Variants in COL4A1 observed in about 807,000 individuals in gnomAD.
COL4A1 encodes the protein collagen type IV alpha 1 chain, also known as collagen alpha-1(IV) chain.
A neutral mutation model predicts 216.6 loss-of-function variants in COL4A1; 40 were observed. That is an observed-to-expected ratio of 0.18 (90% CI 0.14 to 0.24). The LOEUF (loss-of-function observed/expected upper bound fraction) is 0.24, where lower values mean the gene tolerates loss of function less well. Among genes scored for constraint, COL4A1 ranks in the 10% least tolerant of loss-of-function variants. The pLI is 1.00. For missense variants in COL4A1, 1,628 were observed against 2,196.8 expected (o/e 0.74, Z 5.18); for synonymous variants, 839 against 810.7 (o/e 1.03, Z -0.59).
In COL4A1 at chr13:110,175,208, C is replaced by T. The variant is rs202002553; in HGVS notation, c.3198+10G>A. 340 of 1,614,188 alleles carry T rather than the reference C, an allele frequency of 2.1e-4. 4 individuals are homozygous for T. In the East Asian group the frequency reaches 2.4e-3, roughly 11 times the overall value. On this transcript the variant is annotated intron_variant, in intron 37 of 51. Transcript: ENST00000375820. The stretch of plus-strand genomic sequence containing the variant: ...GAGAAGGGGACCTTTCCACGCAGAG[C>T]GCTGGTTACCTTTTCACCTCGCAGC...
chr13:110,192,344 CCTTTT>C, intron 23 of COL4A1, 60 bp from the exon 24 acceptor site: 2 of 1,512,898 alleles, frequency 1.3e-6, no homozygotes, highest in Non-Finnish European at 1.8e-6. Context: ...CTTCTCAAAA[CCTTTT>C]CTTAAGACTC....
intron 2 of COL4A1, among the ~76,000 whole-genome samples, chr13:110,239,164 A>G (rs962441334): frequency 2.0e-5 from 3 of 152,208 alleles, no homozygotes; most frequent in Non-Finnish European, 4.4e-5. Flanking sequence ...GCTATCTAGT[A>G]TTTATTGATT....
chr13:110,205,297 C>T, intron 17 of COL4A1, 56 bp downstream of exon 17: 1 of 1,601,552 alleles, frequency 6.2e-7, no homozygotes, highest in Non-Finnish European at 8.6e-7. Flanking sequence ...AATAAACAGA[C>T]TTCTGGGTTG....
In COL4A1 at chr13:110,207,436, T is replaced by C; in HGVS notation, c.747A>G (p.Gln249=). The change falls in exon 13 of 52, where the codon CAA becomes CAG. Residue 249 remains glutamine, a synonymous_variant. Coordinates refer to ENST00000375820, the MANE Select transcript of COL4A1 (RefSeq NM_001845.6). This position sits in a 1 kb window ranked among gnomAD's most constrained non-coding sequence, Gnocchi z 4.4. ...CCTTGGTGGCGAAGTCTCCTTTTTC[T>C]TGAACTTGAGCTTGTCCTGGTACTC... ...PPGVPGQAQV[Q]EKGDFATKGE... 1 of 1,614,188 alleles carries C rather than the reference T, an allele frequency of 6.2e-7. No homozygotes were observed. The highest frequency in any genetic ancestry group is 8.5e-7 in the Non-Finnish European group (1 of 1,180,028).
At chr13:110,201,331 G>GAGGAGGAGGAAC in intron 19 of COL4A1, 107 bp downstream of exon 19, 1 of 610,038 alleles carries the variant, frequency 1.6e-6, no homozygotes, top group Non-Finnish European at 2.8e-6. Flanking sequence ...GAGGAGGAAG[G>GAGGAGGAGGAAC]AGGAGGAGGA....
At position 110,306,987 on chromosome 13, in the gene COL4A1, G is replaced by T. The variant is rs1230150331; in HGVS notation, c.41C>A (p.Ala14Asp). The T allele has an allele frequency of 6.8e-7, 1 of 1,477,556 alleles. No individual in the cohort carries two copies. Among genetic ancestry groups the T allele is most frequent in the Admixed American group, 2.3e-5 (1 of 43,874 alleles). The allele number at this position is 1,477,556 out of a possible 1,614,324, so 91.5% of individuals were successfully genotyped here. A position where few individuals can be genotyped will look rare whatever the true frequency, so the allele number is the denominator to read the frequency against. The change falls in exon 1 of 52, where the codon GCC becomes GAC. Residue 14 changes from alanine (A) to aspartate (D), a missense_variant. By Grantham distance (126) the Ala-to-Asp change is moderately radical. Around this residue, in one of 8 missense-constraint regions of COL4A1, gnomAD observed 74 missense variants for 61.7 expected, o/e 1.20. Transcript: ENST00000375820. The part of the protein sequence containing the change: ...RLSVWLLLLP[A>D]ALLLHEEHSR... Reference sequence around the variant, plus strand: ...GTGCTCCTCGTGGAGCAGAAGGGCGGCGGGCAGCAGCAGCAGCCAGACGCT... The same window carrying T: ...GTGCTCCTCGTGGAGCAGAAGGGCGTCGGGCAGCAGCAGCAGCCAGACGCT...
intron 1 of COL4A1, among the ~76,000 whole-genome samples, chr13:110,293,851 C>T (rs1374109138): frequency 1.3e-5 from 2 of 152,172 alleles, no homozygotes; most frequent in Non-Finnish European, 2.9e-5. Context: ...CAGGACAATT[C>T]GCCAACATAT....
In COL4A1 at chr13:110,211,923, C is replaced by A. The variant is rs766209938; in HGVS notation, c.388-1G>T. 6.2e-7 allele frequency: 1 copy of A among 1,613,854 alleles called. No homozygotes were observed. Among genetic ancestry groups the A allele is most frequent in the Non-Finnish European group, 8.5e-7 (1 of 1,179,730 alleles). ...GAGGCCCGAGCGGCCCTCTCTCCCCCTGGGGAGACAGCAGAGCATCATTCA... is the reference window on the plus strand; with the variant it reads ...GAGGCCCGAGCGGCCCTCTCTCCCCATGGGGAGACAGCAGAGCATCATTCA... On this transcript the variant is annotated splice_acceptor_variant, in intron 6 of 51. Coordinates refer to ENST00000375820, the MANE Select transcript of COL4A1 (RefSeq NM_001845.6). LOFTEE classifies it high-confidence loss of function. The surrounding 1 kb of genome is among the most constrained non-coding windows in gnomAD (Gnocchi z 4.3).
At chr13:110,191,456 C>G in intron 24 of COL4A1, 1 of 431,860 alleles carries the variant, frequency 2.3e-6, no homozygotes, top group Non-Finnish European at 4.1e-6. Context: ...CTTGAGATTT[C>G]AAAACTTCAG....
At position 110,201,544 on chromosome 13, in the gene COL4A1, G is replaced by C. The variant is rs567077573; in HGVS notation, c.1000-22C>G. ...TAACCTGAATCGAGAAGGAAAAGGT[G>C]ATCATCCCGTGGCATGGGAATGGCT... On this transcript the variant is annotated intron_variant, in intron 18 of 51. Coordinates refer to ENST00000375820, the MANE Select transcript of COL4A1 (RefSeq NM_001845.6). 3.1e-6 allele frequency: 5 copies of C among 1,604,282 alleles called. No homozygotes were observed. In the African/African-American group the frequency reaches 6.7e-5, roughly 21 times the overall value.
At chr13:110,277,936 A>G (rs999913300) in intron 1 of COL4A1, among the ~76,000 whole-genome samples, 6 of 152,218 alleles carry the variant, frequency 3.9e-5, no homozygotes, top group African/African-American at 1.2e-4. Flanking sequence ...AACCCATGCT[A>G]GCATTATTGC....
At chr13:110,210,625 G>A (rs1338583217) in intron 8 of COL4A1, among the ~76,000 whole-genome samples, 1 of 152,166 alleles carries the variant, frequency 6.6e-6, no homozygotes, top group East Asian at 1.9e-4. Context: ...ACGGCGTAAT[G>A]GTAAATTTTA....
intron 20 of COL4A1, among the ~76,000 whole-genome samples, chr13:110,200,203 C>A (rs1011876527): frequency 1.3e-5 from 2 of 152,244 alleles, no homozygotes; most frequent in Non-Finnish European, 1.5e-5. Context: ...GCTCTGGGAC[C>A]TGGGAGAATA....
intron 2 of COL4A1, 132 bp from the exon 3 acceptor site, chr13:110,214,147 G>A: frequency 1.3e-6 from 1 of 752,370 alleles, no homozygotes; most frequent in Non-Finnish European, 2.3e-6. Context: ...AGGCTGGAGT[G>A]CATGCACGAT....
intron 2 of COL4A1, among the ~76,000 whole-genome samples, chr13:110,218,167 C>A (rs915166700): frequency 6.6e-6 from 1 of 151,432 alleles, no homozygotes; most frequent in African/African-American, 2.4e-5. Flanking sequence ...GATGTTAACA[C>A]AAAATATACC....
chr13:110,188,086 C>G (rs896155622), intron 24 of COL4A1, among the ~76,000 whole-genome samples: 1 of 152,184 alleles, frequency 6.6e-6, no homozygotes, highest in Admixed American at 6.5e-5. Context: ...CACCCATACC[C>G]ACCAATGGCT....
At chr13:110,180,247 T>C (rs898069815) in intron 29 of COL4A1, among the ~76,000 whole-genome samples, 2 of 152,182 alleles carry the variant, frequency 1.3e-5, no homozygotes, top group Admixed American at 6.5e-5. Flanking sequence ...AACTCCTGAG[T>C]CTTGCACTAA....
chr13:110,178,538 C>T (rs1301105183), intron 31 of COL4A1, among the ~76,000 whole-genome samples: 1 of 152,208 alleles, frequency 6.6e-6, no homozygotes, highest in Non-Finnish European at 1.5e-5. Flanking sequence ...CCATGCACCA[C>T]CTTAATTCTA....
intron 2 of COL4A1, among the ~76,000 whole-genome samples, 189 bp from the exon 3 acceptor site, chr13:110,214,204 C>T (rs1479645572): frequency 3.9e-5 from 6 of 152,166 alleles, no homozygotes; most frequent in African/African-American, 9.7e-5. Context: ...GATTCTCCTG[C>T]CTCAGCCTCC....
Sources: gnomAD v4.1 joint callset for allele counts (sites outside exome capture counted in the v4.1 genomes callset) on GRCh38, gnomAD v4.1.1 for gene constraint, gnomAD v4.1.1 regional missense constraint, Gnocchi (gnomAD v3.1) non-coding constraint, MANE v1.5 for transcripts, NCBI Gene and HGNC (gene_info 2026-07-23, HGNC 2026-07-21) for gene names.